Variants in SLC35F1 observed in about 807,000 individuals in gnomAD.
SLC35F1 encodes the protein chromosome 6 open reading frame 169.
A neutral mutation model predicts 48.7 loss-of-function variants in SLC35F1; 14 were observed. The ratio of observed to expected loss-of-function variants is 0.29; its 90% CI spans 0.19 to 0.45. The LOEUF is 0.45. Among genes scored for constraint, SLC35F1 ranks in the 20% least tolerant of loss-of-function variants. SLC35F1 has a pLI of 1.00. For synonymous variants in SLC35F1, 190 were observed against 202.2 expected (o/e 0.94, Z 0.51); for missense variants, 404 against 500.0 (o/e 0.81, Z 1.83).
intron 2 of SLC35F1, among the ~76,000 whole-genome samples, chr6:118,233,879 G>A (rs1032807414): frequency 6.6e-6 from 1 of 152,186 alleles, no homozygotes; most frequent in Non-Finnish European, 1.5e-5. Context: ...GAGAAGTGTG[G>A]CTTGGAAGAG....
At chr6:118,247,927 A>G (rs1170466258) in intron 3 of SLC35F1, among the ~76,000 whole-genome samples, 1 of 152,234 alleles carries the variant, frequency 6.6e-6, no homozygotes, top group Non-Finnish European at 1.5e-5. Flanking sequence ...TTGAATCCAG[A>G]AAGTATTATC....
intron 7 of SLC35F1, among the ~76,000 whole-genome samples, chr6:118,306,679 A>T (rs1481865119): frequency 6.6e-6 from 1 of 152,248 alleles, no homozygotes; most frequent in Admixed American, 6.5e-5. Context: ...ATAATTAAAC[A>T]TTCCCACAGA....
At chr6:118,245,593 T>TGA (rs1775497094) in intron 3 of SLC35F1, among the ~76,000 whole-genome samples, 6 of 152,166 alleles carry the variant, frequency 3.9e-5, no homozygotes, top group Non-Finnish European at 7.3e-5. Flanking sequence ...ACTGATAAAG[T>TGA]GAACCTCCAG....
intron 1 of SLC35F1, among the ~76,000 whole-genome samples, chr6:118,072,378 C>T (rs1772745651): frequency 6.6e-6 from 1 of 152,078 alleles, no homozygotes; most frequent in East Asian, 1.9e-4. Context: ...TCCTGGCTAA[C>T]ATGGTGAAAC....
chr6:118,056,369 A>C (rs1772463608), intron 1 of SLC35F1, among the ~76,000 whole-genome samples: 1 of 152,236 alleles, frequency 6.6e-6, no homozygotes, highest in Admixed American at 6.5e-5. Flanking sequence ...TAGTGTAAGC[A>C]GATAAATATA....
In SLC35F1 at chr6:118,023,661, T is replaced by A. The variant is rs562537088; in HGVS notation, c.173+115762T>A. Reference sequence around the variant, plus strand: ...AAAAACTGATGTCTCTGGCCTCAAGTCCTATATCACAGTGTCTGCTCCGTG... The same window carrying A: ...AAAAACTGATGTCTCTGGCCTCAAGACCTATATCACAGTGTCTGCTCCGTG... On this transcript the variant is annotated intron_variant, in intron 1 of 7. Coordinates refer to ENST00000360388, the MANE Select transcript of SLC35F1 (RefSeq NM_001029858.4). Among the ~76,000 whole-genome samples, 752 of 152,230 alleles carry A rather than the reference T, an allele frequency of 4.9e-3. 7 individuals are homozygous for A. Among genetic ancestry groups the A allele is most frequent in the African/African-American group, 0.016 (672 of 41,520 alleles).
intron 2 of SLC35F1, among the ~76,000 whole-genome samples, chr6:118,209,311 A>G (rs1774974779): frequency 6.6e-6 from 1 of 152,198 alleles, no homozygotes. Context: ...GTCTTTTGGT[A>G]TAGGAGTGTC....
intron 2 of SLC35F1, among the ~76,000 whole-genome samples, chr6:118,203,898 G>A (rs954945588): frequency 1.3e-5 from 2 of 152,190 alleles, no homozygotes; most frequent in South Asian, 2.1e-4. Flanking sequence ...TGTCTAGACA[G>A]TATAGCAGTG....
intron 1 of SLC35F1, among the ~76,000 whole-genome samples, chr6:117,996,526 A>AC (rs1435927616): frequency 2.6e-5 from 4 of 151,978 alleles, no homozygotes; most frequent in Non-Finnish European, 4.4e-5. Context: ...ACTGGGAGGC[A>AC]CCCCCCAGTA....
At chr6:118,095,195 C>T (rs1469695540) in intron 1 of SLC35F1, among the ~76,000 whole-genome samples, 1 of 152,208 alleles carries the variant, frequency 6.6e-6, no homozygotes, top group Non-Finnish European at 1.5e-5. Flanking sequence ...CATGGCTACA[C>T]TTAACAATAT....
chr6:117,918,894 TA>T (rs1775861453), intron 1 of SLC35F1, among the ~76,000 whole-genome samples: 1 of 152,026 alleles, frequency 6.6e-6, no homozygotes, highest in African/African-American at 2.4e-5. Flanking sequence ...AAGATAATTT[TA>T]AAATAATTTT....
intron 1 of SLC35F1, among the ~76,000 whole-genome samples, chr6:118,106,550 C>T (rs555343843): frequency 1.3e-4 from 20 of 152,312 alleles, no homozygotes; most frequent in South Asian, 6.2e-4. Context: ...AGCTCTCTCA[C>T]GTGTACTACA....
chr6:118,219,718 C>T (rs1043422931), intron 2 of SLC35F1, among the ~76,000 whole-genome samples: 1 of 152,108 alleles, frequency 6.6e-6, no homozygotes, highest in Admixed American at 6.5e-5. Context: ...ACACATGCTA[C>T]GTATGTTTAT....
intron 1 of SLC35F1, among the ~76,000 whole-genome samples, chr6:118,083,811 C>A (rs183615946): frequency 4.1e-4 from 62 of 152,242 alleles, no homozygotes; most frequent in African/African-American, 1.5e-3. Context: ...TTCATTGTTG[C>A]CACTTCAAAT....
chr6:118,211,210 T>C (rs1401644563), intron 2 of SLC35F1, among the ~76,000 whole-genome samples: 1 of 152,200 alleles, frequency 6.6e-6, no homozygotes, highest in Non-Finnish European at 1.5e-5. Context: ...ATCTAGTCTG[T>C]GGTACTTTGG....
At chr6:118,226,748 G>A (rs1041548616) in intron 2 of SLC35F1, among the ~76,000 whole-genome samples, 3 of 152,034 alleles carry the variant, frequency 2.0e-5, no homozygotes, top group African/African-American at 7.2e-5. Flanking sequence ...GTTAATTAAT[G>A]GGTACAAATA....
At chr6:118,025,649 A>G (rs1016052841) in intron 1 of SLC35F1, among the ~76,000 whole-genome samples, 1 of 152,100 alleles carries the variant, frequency 6.6e-6, no homozygotes, top group African/African-American at 2.4e-5. Context: ...TATTTATGAT[A>G]TATTTTGTGA....
At chr6:118,176,173 T>G (rs1774486312) in intron 2 of SLC35F1, among the ~76,000 whole-genome samples, 2 of 152,082 alleles carry the variant, frequency 1.3e-5, no homozygotes, top group South Asian at 4.1e-4. Flanking sequence ...ACTGTTCTTT[T>G]ATTAGATAGT....
At chr6:118,020,322 CT>C (rs1777376989) in intron 1 of SLC35F1, among the ~76,000 whole-genome samples, 1 of 152,186 alleles carries the variant, frequency 6.6e-6, no homozygotes, top group Non-Finnish European at 1.5e-5. Flanking sequence ...TTAGGACATA[CT>C]GTGCTGTACT....
Sources: gnomAD v4.1 joint callset for allele counts (sites outside exome capture counted in the v4.1 genomes callset) on GRCh38, gnomAD v4.1.1 for gene constraint, MANE v1.5 for transcripts, NCBI Gene and HGNC (gene_info 2026-07-23, HGNC 2026-07-21) for gene names.